FAM53A: variants seen among roughly 807,000 people sequenced by gnomAD.
FAM53A encodes the protein protein FAM53A.
FAM53A carries 28 observed loss-of-function variants against 26.6 expected under a neutral mutation model. The ratio of observed to expected loss-of-function variants is 1.05; its 90% CI spans 0.78 to 1.45. FAM53A has a LOEUF of 1.45. Among genes scored for constraint, FAM53A ranks in the 40% most tolerant of loss-of-function variants. The probability of loss-of-function intolerance (pLI) is 0.00; values close to 1 mark genes in which losing one functional copy is unlikely to be tolerated. For synonymous variants in FAM53A, 290 were observed against 253.1 expected, an observed-to-expected ratio of 1.15 and a Z score of -1.38; for missense variants, 650 against 575.8, an observed-to-expected ratio of 1.13 and a Z score of -1.32.
At chr4:1,627,835 G>A (rs896005563) in intron 1 of FAM53A, among the ~76,000 whole-genome samples, 5 of 151,936 alleles carry the variant, frequency 3.3e-5, no homozygotes, top group Non-Finnish European at 7.4e-5. Flanking sequence ...TCATGCAGGG[G>A]GCCTGGAGCT....
chr4:1,612,382 C>G, the FAM53A span, among the ~76,000 whole-genome samples: 3 of 152,210 alleles, frequency 2.0e-5, no homozygotes, highest in African/African-American at 7.2e-5. Flanking sequence ...TACTGGGCTC[C>G]CGCCAGGGCC....
At position 1,620,065 on chromosome 4, in the gene FAM53A, G is replaced by A. The variant is rs540828234; in HGVS notation, c.432-1954C>T. The stretch of plus-strand genomic sequence containing the variant: ...TCTACTAAATATACAAAAATTAGCC[G>A]GGCGTGGTGGCGGGCAGCTGTAGTC... On this transcript the variant is annotated intron_variant, in intron 1 of 1. Transcript: ENST00000489029. Among the ~76,000 whole-genome samples the A allele has an allele frequency of 1.8e-3, 268 of 152,102 alleles. 1 individual carries two copies. The highest frequency in any genetic ancestry group is 6.2e-3 in the African/African-American group (259 of 41,502).
chr4:1,666,190 C>A (rs1297840209), intron 2 of FAM53A, among the ~76,000 whole-genome samples: 1 of 139,022 alleles, frequency 7.2e-6, no homozygotes, highest in Admixed American at 7.1e-5. Flanking sequence ...CACCTGCACA[C>A]CCTGTATCTA....
intron 1 of FAM53A, among the ~76,000 whole-genome samples, chr4:1,626,304 C>G (rs57824890): frequency 0.024 from 3,720 of 152,298 alleles, 131 homozygotes; most frequent in African/African-American, 0.063. Flanking sequence ...CGTCACGAGC[C>G]GTCCACGTGG....
downstream of FAM53A, among the ~76,000 whole-genome samples, chr4:1,614,445 C>T (rs1449207157): frequency 1.8e-5 from 2 of 113,860 alleles, no homozygotes; most frequent in Non-Finnish European, 3.4e-5. Context: ...GATGCAGAGA[C>T]ATGAGGGGCA....
the FAM53A span, among the ~76,000 whole-genome samples, chr4:1,577,214 G>T: frequency 1.3e-5 from 2 of 152,204 alleles, no homozygotes; most frequent in Admixed American, 6.5e-5. Context: ...ACTGCAGGAG[G>T]GGAGCACACA....
chr4:1,681,390 G>T (rs1050148804), intron 1 of FAM53A, among the ~76,000 whole-genome samples: 2 of 152,106 alleles, frequency 1.3e-5, no homozygotes, highest in African/African-American at 4.8e-5. Flanking sequence ...TTCTCCCCGT[G>T]TCTCAGCCTC....
Position 1,655,968 on chromosome 4 carries a change from C to A in FAM53A, c.137-245G>T, listed in dbSNP as rs1385820906. Among the ~76,000 whole-genome samples the A allele has an allele frequency of 2.6e-5, 4 of 152,052 alleles. No homozygotes were observed. The East Asian group carries it at 5.8e-4, about 22-fold the overall frequency. On this transcript the variant is annotated intron_variant, in intron 3 of 4. Coordinates refer to ENST00000308132, the MANE Select transcript of FAM53A (RefSeq NM_001174070.3). ...ACACCGTGTCTGAAGGAGGTGTCAGCCTCCCCACCGGTGCCTCCCTGAGAA... is the reference window on the plus strand; with the variant it reads ...ACACCGTGTCTGAAGGAGGTGTCAGACTCCCCACCGGTGCCTCCCTGAGAA...
At chr4:1,576,918 G>C in the FAM53A span, among the ~76,000 whole-genome samples, 1 of 152,188 alleles carries the variant, frequency 6.6e-6, no homozygotes, top group Non-Finnish European at 1.5e-5. Flanking sequence ...ACAGAACGAG[G>C]GGTGAGTCAG....
intron 3 of FAM53A, among the ~76,000 whole-genome samples, chr4:1,656,422 G>A (rs1713386066): frequency 6.6e-6 from 1 of 152,066 alleles, no homozygotes; most frequent in African/African-American, 2.4e-5. Flanking sequence ...TCCAGCTGAG[G>A]AACTTGGAGT....
chr4:1,637,796 G>A (rs751208118), downstream of FAM53A, among the ~76,000 whole-genome samples: 4 of 152,090 alleles, frequency 2.6e-5, no homozygotes, highest in Non-Finnish European at 5.9e-5. Context: ...GCACAACCCC[G>A]GCCCTCCCAC....
chr4:1,583,337 G>A, the FAM53A span, among the ~76,000 whole-genome samples: 11 of 152,208 alleles, frequency 7.2e-5, no homozygotes, highest in South Asian at 2.1e-4. Flanking sequence ...GAAGAAGAGC[G>A]GGACCAGCAG....
chr4:1,640,492 C>A lies in FAM53A; in HGVS notation c.*801G>T. ...TTGCAGATTCATGTTTAATAGAACG[C>A]CCTTCTGAAATGCATCCAAAATAGA... On this transcript the variant is annotated 3_prime_UTR_variant, in exon 5 of 5. Transcript: ENST00000308132. 3.3e-6 allele frequency: 1 copy of A among 299,708 alleles called. No homozygotes were observed. Among genetic ancestry groups the A allele is most frequent in the Non-Finnish European group, 6.3e-6 (1 of 159,510 alleles). 18.6% of individuals were successfully genotyped at this position (299,708 alleles called of 1,614,324 possible). A position where few individuals can be genotyped will look rare whatever the true frequency, so the allele number is the denominator to read the frequency against.
intron 1 of FAM53A, among the ~76,000 whole-genome samples, chr4:1,628,983 C>A (rs926931818): frequency 1.4e-4 from 22 of 151,874 alleles, no homozygotes; most frequent in Non-Finnish European, 2.7e-4. Flanking sequence ...TGCCTTAAAT[C>A]CACGATGAGT....
chr4:1,638,773 C>CCCCAAGGG (rs33979802), downstream of FAM53A, among the ~76,000 whole-genome samples: 59,427 of 151,696 alleles, frequency 0.39, 12,685 homozygotes, highest in African/African-American at 0.56. Flanking sequence ...TGGTGAGGGG[C>CCCCAAGGG]CCCTGGGCTG....
At chr4:1,580,412 C>T in the FAM53A span, among the ~76,000 whole-genome samples, 1 of 152,212 alleles carries the variant, frequency 6.6e-6, no homozygotes, top group Non-Finnish European at 1.5e-5. Context: ...GATGTGAGGG[C>T]AGCTCAGAGC....
chr4:1,676,260 G>A (rs760786195), intron 1 of FAM53A, among the ~76,000 whole-genome samples: 22 of 152,228 alleles, frequency 1.4e-4, no homozygotes, highest in South Asian at 4.1e-4. Flanking sequence ...CCTCCCTCCC[G>A]GCTCTGGCAT....
At chr4:1,652,325 CCAT>C in intron 4 of FAM53A, among the ~76,000 whole-genome samples, 1 of 143,402 alleles carries the variant, frequency 7.0e-6, no homozygotes, top group African/African-American at 2.8e-5. Flanking sequence ...GTCACACACA[CCAT>C]ACACACACGC....
the FAM53A span, among the ~76,000 whole-genome samples, chr4:1,611,367 G>A: frequency 2.4e-4 from 37 of 152,238 alleles, no homozygotes; most frequent in South Asian, 8.3e-4. Flanking sequence ...GTCTCCCCCC[G>A]TCCTCCTGGC....
Sources: gnomAD v4.1 joint callset for allele counts (sites outside exome capture counted in the v4.1 genomes callset) on GRCh38, gnomAD v4.1.1 for gene constraint, MANE v1.5 for transcripts, NCBI Gene and HGNC (gene_info 2026-07-23, HGNC 2026-07-21) for gene names.